KIF16B: variants seen among roughly 807,000 people sequenced by gnomAD.
The protein encoded by KIF16B is kinesin-like protein KIF16B.
A neutral mutation model predicts 156.3 loss-of-function variants in KIF16B; 98 were observed. The ratio of observed to expected loss-of-function variants is 0.63; its 90% confidence interval spans 0.53 to 0.74. The LOEUF (loss-of-function observed/expected upper bound fraction) is 0.74. Ranked by LOEUF, KIF16B falls within the 30% of genes least tolerant of loss-of-function variation. KIF16B has a pLI of 0.00. For missense variants in KIF16B, 1,421 were observed against 1,606.5 expected, an observed-to-expected ratio of 0.88 and a Z score of 1.97; for synonymous variants, 564 against 583.7, an observed-to-expected ratio of 0.97 and a Z score of 0.49.
At chr20:16,371,789 C>A (rs1460605643) in intron 20 of KIF16B, 28 bp from the exon 21 acceptor site, 8 of 1,469,886 alleles carry the variant, frequency 5.4e-6, no homozygotes, top group Non-Finnish European at 7.6e-6. Flanking sequence ...TGGAGTAGAT[C>A]TGACACTTCT....
At chr20:16,487,781 T>A (rs780780020) in intron 12 of KIF16B, among the ~76,000 whole-genome samples, 3 of 152,056 alleles carry the variant, frequency 2.0e-5, no homozygotes, top group African/African-American at 4.8e-5. Flanking sequence ...CCTCTCCTAC[T>A]CCCCCAGAGA....
chr20:16,526,050 G>A (rs1354839085), intron 3 of KIF16B, 42 bp downstream of exon 3: 2 of 1,150,510 alleles, frequency 1.7e-6, no homozygotes, highest in Admixed American at 2.1e-5. Flanking sequence ...TTTTCTCAAT[G>A]TGAAAATAAA....
chr20:16,562,254 T>C (rs1307334236), intron 1 of KIF16B, among the ~76,000 whole-genome samples: 1 of 152,218 alleles, frequency 6.6e-6, no homozygotes, highest in Non-Finnish European at 1.5e-5. Context: ...ACCATAGTGC[T>C]GTACCTCCAA....
At chr20:16,454,604 A>T (rs2067167979) in intron 12 of KIF16B, among the ~76,000 whole-genome samples, 2 of 152,080 alleles carry the variant, frequency 1.3e-5, no homozygotes, top group Admixed American at 1.3e-4. Context: ...ATTGTAACTA[A>T]TAATAAAATT....
chr20:16,531,515 C>T (rs994523930), intron 1 of KIF16B, among the ~76,000 whole-genome samples: 2 of 152,118 alleles, frequency 1.3e-5, no homozygotes, highest in Non-Finnish European at 2.9e-5. Context: ...AGTACCAACG[C>T]GACTGCCCCA....
intron 1 of KIF16B, among the ~76,000 whole-genome samples, chr20:16,546,733 T>C (rs1274165888): frequency 6.6e-6 from 1 of 152,212 alleles, no homozygotes; most frequent in Non-Finnish European, 1.5e-5. Context: ...AAGATAAGGC[T>C]AACAGAAACA....
intron 24 of KIF16B, among the ~76,000 whole-genome samples, chr20:16,326,197 T>C (rs1280407554): frequency 6.6e-6 from 1 of 151,896 alleles, no homozygotes; most frequent in Non-Finnish European, 1.5e-5. Context: ...ATAAAAATTC[T>C]AGAAGATAAC....
At chr20:16,427,746 G>A (rs538712551) in intron 14 of KIF16B, among the ~76,000 whole-genome samples, 4 of 152,168 alleles carry the variant, frequency 2.6e-5, no homozygotes, top group South Asian at 2.1e-4. Flanking sequence ...AAGCCCAAGA[G>A]GCCTTCAGAA....
At chr20:16,566,014 T>C (rs921638853) in intron 1 of KIF16B, among the ~76,000 whole-genome samples, 1 of 152,250 alleles carries the variant, frequency 6.6e-6, no homozygotes, top group African/African-American at 2.4e-5. Context: ...GCACCAAAAG[T>C]TTATGAGTAG....
At chr20:16,530,450 G>A (rs1486186197) in intron 1 of KIF16B, among the ~76,000 whole-genome samples, 3 of 152,178 alleles carry the variant, frequency 2.0e-5, no homozygotes, top group Non-Finnish European at 4.4e-5. Context: ...AGTCAGGGAC[G>A]ACAGAGTGAG....
intron 1 of KIF16B, among the ~76,000 whole-genome samples, chr20:16,558,916 A>G (rs1010005407): frequency 6.6e-6 from 1 of 151,820 alleles, no homozygotes; most frequent in Non-Finnish European, 1.5e-5. Context: ...AAAAAAAAAA[A>G]AAAAACCAAG....
intron 17 of KIF16B, among the ~76,000 whole-genome samples, chr20:16,404,499 A>G (rs780155965): frequency 1.3e-5 from 2 of 152,210 alleles, no homozygotes; most frequent in Non-Finnish European, 2.9e-5. Context: ...GCACTAAGTA[A>G]TCAAAGTGCC....
In KIF16B at chr20:16,378,878, C is replaced by T. The variant is rs1397199455; in HGVS notation, c.3124G>A (p.Gly1042Ser). 6.2e-7 allele frequency: 1 copy of T among 1,614,040 alleles called. No homozygotes were observed. Among genetic ancestry groups the T allele is most frequent in the African/African-American group, 1.3e-5 (1 of 74,922 alleles). The change falls in exon 19 of 26, where the codon GGC becomes AGC. Residue 1042 changes from glycine (G) to serine (S), a missense_variant. Gly to Ser is a moderately conservative substitution (Grantham distance 56, BLOSUM62 0). Coordinates refer to ENST00000354981, the MANE Select transcript of KIF16B (RefSeq NM_024704.5). ...TGGAGCCCTGACTGCTCTCTGCTGC[C>T]ACTGTTCAGACTGGCAAGTTTCTGC... is the stretch of plus-strand genomic sequence containing the variant. ...QRQKLASLNSGSREQSGLQAS... is the reference protein window; with the variant it reads ...QRQKLASLNSSSREQSGLQAS...
intron 12 of KIF16B, among the ~76,000 whole-genome samples, chr20:16,466,965 T>G (rs1667934417): frequency 6.6e-6 from 1 of 150,598 alleles, no homozygotes; most frequent in Non-Finnish European, 1.5e-5. Context: ...TTTGTGAGTT[T>G]TACCACCAGA....
intron 25 of KIF16B, among the ~76,000 whole-genome samples, chr20:16,287,271 C>G (rs1228171313): frequency 2.0e-5 from 3 of 152,240 alleles, no homozygotes; most frequent in African/African-American, 7.2e-5. Flanking sequence ...TCATGCCAAT[C>G]TCTCTTCCAA....
At chr20:16,539,988 C>T (rs981561886) in intron 1 of KIF16B, among the ~76,000 whole-genome samples, 1 of 152,192 alleles carries the variant, frequency 6.6e-6, no homozygotes, top group African/African-American at 2.4e-5. Context: ...TTAAAAGTTA[C>T]ATACTATGAA....
At chr20:16,409,995 A>AGGTACATATATATATGTT (rs2065890021) in intron 15 of KIF16B, among the ~76,000 whole-genome samples, 2 of 106,940 alleles carry the variant, frequency 1.9e-5, no homozygotes, top group African/African-American at 8.1e-5. Flanking sequence ...ATATATATGT[A>AGGTACATATATATATGTT]GGTACATATA....
intron 12 of KIF16B, among the ~76,000 whole-genome samples, chr20:16,466,164 T>C (rs1274131545): frequency 2.0e-5 from 3 of 152,244 alleles, no homozygotes; most frequent in Admixed American, 2.0e-4. Flanking sequence ...AACCCATGGC[T>C]GGGATTCATT....
intron 17 of KIF16B, chr20:16,382,144 G>GGAGA: frequency 3.0e-6 from 4 of 1,331,922 alleles, no homozygotes; most frequent in Non-Finnish European, 4.0e-6. Flanking sequence ...CCAGGGAGGT[G>GGAGA]GAGAGAGAGA....
Sources: allele counts gnomAD v4.1 joint callset (sites outside exome capture counted in the v4.1 genomes callset), GRCh38; gene constraint gnomAD v4.1.1; transcripts MANE v1.5; gene names NCBI Gene and HGNC (gene_info 2026-07-23, HGNC 2026-07-21).